EPHA5: variants seen among roughly 807,000 people sequenced by gnomAD.
The protein encoded by EPHA5 is ephrin type-A receptor 5.
Under a neutral mutation model 105.0 loss-of-function variants are expected in EPHA5, and 60 were observed. The observed-to-expected ratio is 0.57, with a 90% CI of 0.46 to 0.71. The LOEUF (loss-of-function observed/expected upper bound fraction) is 0.71, where lower values mean the gene tolerates loss of function less well. Among genes scored for constraint, EPHA5 ranks in the 30% least tolerant of loss-of-function variants. The pLI is 0.00. For synonymous variants in EPHA5, 513 were observed against 449.1 expected (o/e 1.14, Z -1.80); for missense variants, 1,218 against 1,274.7 (o/e 0.96, Z 0.68).
In EPHA5 at chr4:65,669,844, C is replaced by A; in HGVS notation, c.-102G>T. 8.1e-7 allele frequency: 1 copy of A among 1,231,746 alleles called. No homozygotes were observed. The highest frequency in any genetic ancestry group is 1.0e-6 in the Non-Finnish European group (1 of 988,124). 76.3% of individuals were successfully genotyped at this position (1,231,746 alleles called of 1,614,324 possible). ...AGACTCGGGAGTCCTCCTTGTCCCCCCTTGGGGTCCTACGCCTTCTGGCAC... is the reference window on the plus strand; with the variant it reads ...AGACTCGGGAGTCCTCCTTGTCCCCACTTGGGGTCCTACGCCTTCTGGCAC... On this transcript the variant is annotated 5_prime_UTR_variant, in exon 1 of 17. Coordinates refer to ENST00000613740, the MANE Select transcript of EPHA5 (RefSeq NM_001281766.3).
chr4:65,407,065 G>A (rs1722432207), intron 7 of EPHA5, among the ~76,000 whole-genome samples: 1 of 152,036 alleles, frequency 6.6e-6, no homozygotes, highest in South Asian at 2.1e-4. Flanking sequence ...ATGGTTCATA[G>A]CATTTTAACT....
At chr4:65,602,327 A>G in intron 2 of EPHA5, 23 bp from the exon 3 acceptor site, 1 of 1,376,286 alleles carries the variant, frequency 7.3e-7, no homozygotes, top group Non-Finnish European at 9.4e-7. Flanking sequence ...AAATAGAAAG[A>G]TAAAAAAAAT....
chr4:65,523,064 T>A (rs1253701035), intron 3 of EPHA5, among the ~76,000 whole-genome samples: 1 of 151,926 alleles, frequency 6.6e-6, no homozygotes, highest in African/African-American at 2.4e-5. Context: ...CATGCTCTAT[T>A]TTCTCCGTTC....
chr4:65,602,296 C>T lies in EPHA5; in HGVS notation c.255G>A (p.Glu85=), dbSNP rs748071008. The change falls in exon 3 of 17, where the codon GAG becomes GAA. Residue 85 remains glutamate (E), a synonymous_variant. Transcript: ENST00000613740. ...CATAATTTTCATCCACTTCACCAAT[C>T]TCTTCCCACTGTACAATATAAAATA... ...WIAFPKNGWE[E]IGEVDENYAP... is the part of the protein sequence containing the mutation. 2.5e-6 allele frequency: 4 copies of T among 1,593,942 alleles called. No homozygotes were observed. In the East Asian group the frequency reaches 6.7e-5, roughly 27 times the overall value.
intron 1 of EPHA5, among the ~76,000 whole-genome samples, chr4:65,654,616 T>A (rs1247161848): frequency 6.6e-6 from 1 of 150,634 alleles, no homozygotes; most frequent in Non-Finnish European, 1.5e-5. Flanking sequence ...ACTCTCAGGA[T>A]GTAACTATCT....
rs754491689 is a variant in EPHA5, at chr4:65,353,045, C to G, written c.2232G>C (p.Leu744Phe). The G allele has an allele frequency of 1.9e-6, 3 of 1,546,156 alleles. No individual in the cohort carries two copies. The highest frequency in any genetic ancestry group is 2.6e-6 in the Non-Finnish European group (3 of 1,145,662). ...YMENGSLDTF[L>F]KKNDGQFTVI... ...CTAAATTATTCCCCAATCCTACCTT[C>G]AAAAATGTATCTAAAGAGCCATTCT... The change falls in exon 12 of 17, where the codon TTG becomes TTC. Residue 744 changes from leucine (L) to phenylalanine (F), a missense_variant. Leu to Phe is a conservative substitution (Grantham distance 22). This residue lies in a region of EPHA5 where 971 missense variants were observed against 1,013.5 expected (regional missense o/e 0.96). Coordinates refer to ENST00000613740, the MANE Select transcript of EPHA5 (RefSeq NM_001281766.3).
chr4:65,637,355 G>A (rs529807740), intron 2 of EPHA5, among the ~76,000 whole-genome samples: 1 of 151,434 alleles, frequency 6.6e-6, no homozygotes, highest in South Asian at 2.1e-4. Context: ...TGAATGAGGA[G>A]TGTCGGGTAG....
At position 65,495,372 on chromosome 4, in the gene EPHA5, C is replaced by A; in HGVS notation, c.1066+16G>T. On this transcript the variant is annotated intron_variant, in intron 4 of 16. Coordinates refer to ENST00000613740, the MANE Select transcript of EPHA5 (RefSeq NM_001281766.3). ...GGTTAAAGTTAGCACCACCAAATAT[C>A]CGTGGGTTTCCTTACTTGTGCATGC... 2.5e-6 allele frequency: 4 copies of A among 1,607,976 alleles called. No homozygotes were observed. The highest frequency in any genetic ancestry group is 3.4e-6 in the Non-Finnish European group (4 of 1,177,034).
At chr4:65,402,939 G>C (rs1196235923) in intron 8 of EPHA5, among the ~76,000 whole-genome samples, 1 of 152,152 alleles carries the variant, frequency 6.6e-6, no homozygotes, top group Non-Finnish European at 1.5e-5. Flanking sequence ...ACTTCAGAGA[G>C]ATGAAATCAG....
chr4:65,514,277 A>G (rs1339915896), intron 3 of EPHA5, among the ~76,000 whole-genome samples: 2 of 152,108 alleles, frequency 1.3e-5, no homozygotes, highest in Non-Finnish European at 2.9e-5. Context: ...TCTTCTCATC[A>G]TTAGGTGAGA....
intron 3 of EPHA5, among the ~76,000 whole-genome samples, chr4:65,505,399 A>T (rs1354103650): frequency 6.6e-6 from 1 of 152,098 alleles, no homozygotes. Flanking sequence ...TAAATTCTTC[A>T]TAAAAACAAG....
chr4:65,421,438 G>A lies in EPHA5; in HGVS notation c.1403-873C>T, dbSNP rs112251155. Among the ~76,000 whole-genome samples, 209 of 152,178 alleles carry A rather than the reference G, an allele frequency of 1.4e-3. 1 individual carries two copies. The highest frequency in any genetic ancestry group is 4.7e-3 in the African/African-American group (197 of 41,544). The stretch of plus-strand genomic sequence containing the variant: ...ATTACTGAAATAGAAACAACAGAGG[G>A]TTAAGTAAGACAATGAAGTTTTGAA... On this transcript the variant is annotated intron_variant, in intron 5 of 16. Coordinates refer to ENST00000613740, the MANE Select transcript of EPHA5 (RefSeq NM_001281766.3).
At chr4:65,512,035 A>G (rs1733675614) in intron 3 of EPHA5, among the ~76,000 whole-genome samples, 1 of 152,192 alleles carries the variant, frequency 6.6e-6, no homozygotes, top group African/African-American at 2.4e-5. Context: ...GTGTAAAAGT[A>G]AAAAAGACAT....
chr4:65,328,325 T>C (rs1720275316), intron 16 of EPHA5, among the ~76,000 whole-genome samples: 1 of 151,252 alleles, frequency 6.6e-6, no homozygotes, highest in South Asian at 2.1e-4. Context: ...TCAAACATTA[T>C]TCAATAATAT....
At chr4:65,371,031 T>C (rs1453731601) in intron 8 of EPHA5, among the ~76,000 whole-genome samples, 2 of 152,124 alleles carry the variant, frequency 1.3e-5, no homozygotes, top group Non-Finnish European at 2.9e-5. Context: ...AGAAAAACAG[T>C]CAATAAATAT....
At position 65,383,495 on chromosome 4, in the gene EPHA5, A is replaced by C. The variant is rs188845240; in HGVS notation, c.1794-16071T>G. On this transcript the variant is annotated intron_variant, in intron 8 of 16. Coordinates refer to ENST00000613740, the MANE Select transcript of EPHA5 (RefSeq NM_001281766.3). Reference sequence around the variant, plus strand: ...CTGCTACCAGTAAAAACAAAGCAAGAAAAGAAATATTAAGAAACACTATTT... The same window carrying C: ...CTGCTACCAGTAAAAACAAAGCAAGCAAAGAAATATTAAGAAACACTATTT... 6.5e-3 allele frequency among the ~76,000 whole-genome samples: 993 copies of C among 152,016 alleles called. 9 individuals are homozygous for C. The highest frequency in any genetic ancestry group is 0.023 in the African/African-American group (940 of 41,508).
At chr4:65,328,199 C>T (rs17086070) in intron 16 of EPHA5, among the ~76,000 whole-genome samples, 42,549 of 150,722 alleles carry the variant, frequency 0.28, 7,190 homozygotes, top group South Asian at 0.44. Flanking sequence ...CTAAACATGA[C>T]GAGACTAGCA....
rs1719546664 is a variant in EPHA5, at chr4:65,320,375, C to G, written c.*3739G>C. On this transcript the variant is annotated 3_prime_UTR_variant, in exon 17 of 17. Coordinates refer to ENST00000613740, the MANE Select transcript of EPHA5 (RefSeq NM_001281766.3). ...CAGGATCATCATCATATTGTACCTA[C>G]TTTTTGCTTAATTTGAAGTTAAACA... 3 of 230,120 alleles carry G rather than the reference C, an allele frequency of 1.3e-5. No homozygotes were observed. The highest frequency in any genetic ancestry group is 1.7e-5 in the Non-Finnish European group (2 of 116,150). 14.3% of individuals were successfully genotyped at this position (230,120 alleles called of 1,614,324 possible). A position where few individuals can be genotyped will look rare whatever the true frequency, so the allele number is the denominator to read the frequency against.
intron 3 of EPHA5, among the ~76,000 whole-genome samples, chr4:65,541,355 C>G (rs1294895521): frequency 6.6e-6 from 1 of 151,808 alleles, no homozygotes; most frequent in Admixed American, 6.6e-5. Context: ...TCAAGAGACC[C>G]AACTCATGTG....
Sources: allele counts gnomAD v4.1 joint callset (sites outside exome capture counted in the v4.1 genomes callset), GRCh38; gene constraint gnomAD v4.1.1; regional missense constraint gnomAD v4.1.1; transcripts MANE v1.5; gene names NCBI Gene and HGNC (gene_info 2026-07-23, HGNC 2026-07-21).